DTNB: variants seen among roughly 807,000 people sequenced by gnomAD.
DTNB encodes dystrobrevin beta, also known as DTN-B.
In DTNB, 63 loss-of-function variants were observed where a neutral mutation model predicts 90.7. That is an observed-to-expected ratio of 0.69 (90% CI 0.57 to 0.86). DTNB has a LOEUF of 0.86. DTNB is among the 40% of genes least tolerant of loss of function. DTNB has a pLI of 0.00. For synonymous variants in DTNB, 277 were observed against 286.7 expected, an observed-to-expected ratio of 0.97 and a Z score of 0.34; for missense variants, 744 against 807.1, an observed-to-expected ratio of 0.92 and a Z score of 0.95.
At chr2:25,535,566 C>T (rs1403008880) in intron 8 of DTNB, among the ~76,000 whole-genome samples, 40 of 141,404 alleles carry the variant, frequency 2.8e-4, no homozygotes, top group Non-Finnish European at 4.1e-4. Context: ...ACATCCCAGA[C>T]GATGGGCGGC....
intron 9 of DTNB, among the ~76,000 whole-genome samples, chr2:25,517,581 G>C (rs1393908663): frequency 6.6e-6 from 1 of 152,220 alleles, no homozygotes; most frequent in Non-Finnish European, 1.5e-5. Flanking sequence ...GTACTAGTGA[G>C]ATTATAAAAT....
chr2:25,500,060 A>AT (rs1232718123), intron 9 of DTNB, among the ~76,000 whole-genome samples: 2 of 151,836 alleles, frequency 1.3e-5, no homozygotes, highest in East Asian at 1.9e-4. Context: ...TATCCAGTTA[A>AT]TTTTTTTTAT....
At chr2:25,413,435 G>T (rs1416890589) in intron 16 of DTNB, among the ~76,000 whole-genome samples, 14 of 128,326 alleles carry the variant, frequency 1.1e-4, no homozygotes, top group Non-Finnish European at 1.1e-4. Flanking sequence ...CCCACGACAG[G>T]CCCCGGTGTG....
chr2:25,629,907 A>G, intron 3 of DTNB, among the ~76,000 whole-genome samples: 1 of 152,192 alleles, frequency 6.6e-6, no homozygotes, highest in Non-Finnish European at 1.5e-5. Flanking sequence ...TTAAATTTTA[A>G]AAGTCTGTGT....
At chr2:25,430,770 T>A (rs1419878443) in intron 14 of DTNB, among the ~76,000 whole-genome samples, 2 of 152,200 alleles carry the variant, frequency 1.3e-5, no homozygotes, top group Non-Finnish European at 2.9e-5. Context: ...TGGCATTGTT[T>A]TAGTCATATT....
At chr2:25,582,918 C>T (rs530542802) in intron 6 of DTNB, among the ~76,000 whole-genome samples, 9 of 152,218 alleles carry the variant, frequency 5.9e-5, no homozygotes, top group Admixed American at 5.9e-4. Flanking sequence ...CCTCTATGGA[C>T]ATGCAAATAA....
intron 8 of DTNB, among the ~76,000 whole-genome samples, chr2:25,556,145 A>G (rs549216236): frequency 7.5e-6 from 1 of 132,686 alleles, no homozygotes; most frequent in East Asian, 2.6e-4. Context: ...CTACTAATGG[A>G]TGTTTTGGTG....
chr2:25,561,885 G>A (rs2058323702), intron 8 of DTNB, among the ~76,000 whole-genome samples: 2 of 152,034 alleles, frequency 1.3e-5, no homozygotes, highest in African/African-American at 4.8e-5. Context: ...TTCCTTTATA[G>A]TAATGCAAAA....
intron 1 of DTNB, among the ~76,000 whole-genome samples, chr2:25,658,242 GT>G (rs2082453800): frequency 6.7e-6 from 1 of 149,216 alleles, no homozygotes; most frequent in South Asian, 2.1e-4. Context: ...GGGCAACAGA[GT>G]GAGACTCCAT....
intron 3 of DTNB, among the ~76,000 whole-genome samples, chr2:25,634,333 T>TG (rs2076606341): frequency 1.4e-5 from 1 of 71,642 alleles, no homozygotes; most frequent in Non-Finnish European, 2.8e-5. Context: ...GGGAGGGAGG[T>TG]GGGGGGGTCA....
intron 16 of DTNB, among the ~76,000 whole-genome samples, chr2:25,403,567 G>A (rs1319118287): frequency 6.6e-6 from 1 of 152,200 alleles, no homozygotes; most frequent in East Asian, 1.9e-4. Flanking sequence ...GTTCTCAGGA[G>A]GATGTGGTCC....
At chr2:25,513,751 C>CAAAAAAAAAAAAAAAACACCA (rs2074430055) in intron 9 of DTNB, among the ~76,000 whole-genome samples, 1 of 106,946 alleles carries the variant, frequency 9.4e-6, no homozygotes. Flanking sequence ...ACAAAACAAC[C>CAAAAAAAAAAAAAAAACACCA]AAAAAAAAAA....
At chr2:25,461,106 G>A (rs2060874451) in intron 10 of DTNB, among the ~76,000 whole-genome samples, 1 of 152,202 alleles carries the variant, frequency 6.6e-6, no homozygotes, top group African/African-American at 2.4e-5. Flanking sequence ...GTTTTGCCAT[G>A]TTGGCCAGGC....
chr2:25,462,537 A>G (rs759674983), intron 10 of DTNB, among the ~76,000 whole-genome samples: 2 of 152,226 alleles, frequency 1.3e-5, no homozygotes, highest in Non-Finnish European at 2.9e-5. Flanking sequence ...TAAAATAATA[A>G]TAATATAAAA....
chr2:25,392,448 G>A (rs1418547368), intron 16 of DTNB, among the ~76,000 whole-genome samples: 1 of 152,092 alleles, frequency 6.6e-6, no homozygotes, highest in Admixed American at 6.6e-5. Flanking sequence ...GTGAGTGAAT[G>A]AAACCAAAAG....
chr2:25,501,016 T>A (rs982174085), intron 9 of DTNB, among the ~76,000 whole-genome samples: 1 of 152,028 alleles, frequency 6.6e-6, no homozygotes, highest in African/African-American at 2.4e-5. Context: ...TCCAAAAAGG[T>A]CTTCAAATAC....
intron 8 of DTNB, among the ~76,000 whole-genome samples, chr2:25,552,674 T>A (rs1377795673): frequency 1.3e-5 from 2 of 152,142 alleles, no homozygotes; most frequent in Admixed American, 1.3e-4. Flanking sequence ...TTTCCTTTCC[T>A]TCCGCCTGCC....
chr2:25,597,020 C>T (rs908901555), intron 5 of DTNB, among the ~76,000 whole-genome samples: 2 of 152,100 alleles, frequency 1.3e-5, no homozygotes, highest in African/African-American at 4.8e-5. Context: ...AGAAATGTGA[C>T]GTAGGCAGTT....
intron 8 of DTNB, among the ~76,000 whole-genome samples, chr2:25,555,694 T>G (rs538051556): frequency 6.6e-6 from 1 of 152,318 alleles, no homozygotes; most frequent in African/African-American, 2.4e-5. Flanking sequence ...TCGATTCCAC[T>G]TATTATGACT....
Sources: allele counts gnomAD v4.1 joint callset (sites outside exome capture counted in the v4.1 genomes callset), GRCh38; gene constraint gnomAD v4.1.1; transcripts MANE v1.5; gene names NCBI Gene and HGNC (gene_info 2026-07-23, HGNC 2026-07-21).